Variants in CENPK observed in about 807,000 individuals in gnomAD.
The protein encoded by CENPK is centromere protein K.
Under a neutral mutation model 40.9 loss-of-function variants are expected in CENPK, and 46 were observed. The observed-to-expected ratio is 1.13, with a 90% CI of 0.89 to 1.44. The LOEUF (loss-of-function observed/expected upper bound fraction) is 1.44. CENPK is among the 40% of genes most tolerant of loss of function. The pLI, the probability that CENPK is intolerant of heterozygous loss-of-function variation, is 0.00. For synonymous variants in CENPK, 107 were observed against 104.4 expected, an observed-to-expected ratio of 1.02 and a Z score of -0.15; for missense variants, 288 against 303.5, an observed-to-expected ratio of 0.95 and a Z score of 0.38.
At chr5:65,555,408 G>C (rs1055296346) in intron 2 of CENPK, 3 of 153,402 alleles carry the variant, frequency 2.0e-5, no homozygotes, top group Admixed American at 1.3e-4. Context: ...GATTACAGCA[G>C]ATTAAGTAAG....
At chr5:65,517,694 G>C (rs1561606238), downstream of CENPK, 2 of 152,072 alleles carry the variant, frequency 1.3e-5, no homozygotes, top group Admixed American at 6.5e-5. Context: ...TACTAAATGA[G>C]TCCTATATCT....
Position 65,542,861 on chromosome 5 carries a change from A to G in CENPK, c.242-13T>C, listed in dbSNP as rs1748221062. ...GTCAAGGGAATTGCTACAAAAACAA[A>G]ACAAAACAAAGTTACACATATATTT... On this transcript the variant is annotated splice_polypyrimidine_tract_variant and intron_variant, in intron 5 of 10. Coordinates refer to ENST00000396679, the MANE Select transcript of CENPK (RefSeq NM_022145.5). The G allele has an allele frequency of 6.2e-7, 1 of 1,603,254 alleles. No individual in the cohort carries two copies. The highest frequency in any genetic ancestry group is 1.3e-5 in the African/African-American group (1 of 74,326).
chr5:65,504,163 A>T, the CENPK span, among the ~76,000 whole-genome samples: 28,728 of 148,204 alleles, frequency 0.19, 3,370 homozygotes, highest in South Asian at 0.32. Flanking sequence ...ATATTTTTTT[A>T]AAAAAAACCT....
At chr5:65,499,902 A>C in the CENPK span, among the ~76,000 whole-genome samples, 3 of 102,302 alleles carry the variant, frequency 2.9e-5, no homozygotes, top group Non-Finnish European at 6.2e-5. Context: ...CCCACCTATG[A>C]GTGAGAATAT....
intron 10 of CENPK, among the ~76,000 whole-genome samples, chr5:65,519,299 G>C (rs1009175169): frequency 6.6e-6 from 1 of 152,202 alleles, no homozygotes; most frequent in African/African-American, 2.4e-5. Context: ...AGCTAATGTG[G>C]ATTGAGAATC....
At chr5:65,526,769 G>A (rs1036738524) in intron 9 of CENPK, among the ~76,000 whole-genome samples, 6 of 152,088 alleles carry the variant, frequency 3.9e-5, no homozygotes, top group African/African-American at 9.7e-5. Context: ...GTCTAACCTG[G>A]GCAACATAGC....
chr5:65,542,928 T>C, intron 5 of CENPK, 80 bp from the exon 6 acceptor site: 5 of 1,240,736 alleles, frequency 4.0e-6, no homozygotes, highest in Non-Finnish European at 5.7e-6. Flanking sequence ...TGCGGTTTTC[T>C]AAGATACTTC....
In CENPK at chr5:65,527,498, CATATATAT is replaced by C. The variant is rs70983674; in HGVS notation, c.597+946_597+953del. Among the ~76,000 whole-genome samples, 437 of 91,124 alleles carry C rather than the reference CATATATAT, an allele frequency of 4.8e-3. 1 individual carries two copies. Among genetic ancestry groups the C allele is most frequent in the Middle Eastern group, 0.022 (3 of 136 alleles). 59.8% of individuals were successfully genotyped at this position (91,124 alleles called of 152,430 possible). On this transcript the variant is annotated intron_variant, in intron 9 of 10. Coordinates refer to ENST00000396679, the MANE Select transcript of CENPK (RefSeq NM_022145.5). ...GCAATTTCAAAAGTCTTATTAACAC[CATATATAT>C]ATATATATATATATATATATATATA...
At chr5:65,509,380 A>G in the CENPK span, among the ~76,000 whole-genome samples, 1 of 152,204 alleles carries the variant, frequency 6.6e-6, no homozygotes, top group Non-Finnish European at 1.5e-5. Context: ...TCATATAGTT[A>G]GAATCATATA....
downstream of CENPK, among the ~76,000 whole-genome samples, chr5:65,515,204 A>AAATTTTTTTTTTT (rs35708852): frequency 3.2e-5 from 4 of 124,056 alleles, no homozygotes; most frequent in African/African-American, 1.2e-4. Flanking sequence ...TCTCAAAAAA[A>AAATTTTTTTTTTT]TTTTTTTTTT....
intron 4 of CENPK, among the ~76,000 whole-genome samples, chr5:65,552,050 A>G (rs1237103486): frequency 6.8e-6 from 1 of 147,880 alleles, no homozygotes; most frequent in East Asian, 2.0e-4. Flanking sequence ...GCCTCCATCT[A>G]CTGGGTTCAA....
chr5:65,556,361 G>A (rs1750978833), intron 2 of CENPK, among the ~76,000 whole-genome samples: 1 of 152,092 alleles, frequency 6.6e-6, no homozygotes, highest in South Asian at 2.1e-4. Flanking sequence ...TGTAGCCCAA[G>A]CTGCTCAGGA....
At chr5:65,553,820 C>A (rs1009448924) in intron 3 of CENPK, among the ~76,000 whole-genome samples, 1 of 152,202 alleles carries the variant, frequency 6.6e-6, no homozygotes, top group Non-Finnish European at 1.5e-5. Context: ...TATCTGTAGT[C>A]TTACTCTTCT....
the CENPK span, among the ~76,000 whole-genome samples, chr5:65,502,314 A>T: frequency 6.6e-6 from 1 of 152,168 alleles, no homozygotes; most frequent in Non-Finnish European, 1.5e-5. Flanking sequence ...GGTACGTATA[A>T]GGCAAAAAGA....
chr5:65,551,562 A>T lies in CENPK; in HGVS notation c.241+2T>A. 1 of 1,492,622 alleles carries T rather than the reference A, an allele frequency of 6.7e-7. No homozygotes were observed. Among genetic ancestry groups the T allele is most frequent in the Non-Finnish European group, 9.1e-7 (1 of 1,093,868 alleles). The allele number at this position is 1,492,622 out of a possible 1,614,324, so 92.5% of individuals were successfully genotyped here. On this transcript the variant is annotated splice_donor_variant, in intron 5 of 10. Transcript: ENST00000396679. LOFTEE classifies it high-confidence loss of function. Reference sequence around the variant, plus strand: ...AATTCAAATTTAAAATAAGAATCTTACTTTCAGGTGTTTTTTTCTGCCATT... The same window carrying T: ...AATTCAAATTTAAAATAAGAATCTTTCTTTCAGGTGTTTTTTTCTGCCATT...
chr5:65,529,255 G>A, intron 6 of CENPK, 56 bp from the exon 7 acceptor site: 1 of 1,171,446 alleles, frequency 8.5e-7, no homozygotes, highest in Non-Finnish European at 1.2e-6. Flanking sequence ...TTTTATTTCT[G>A]AACGATAGTC....
Position 65,546,243 on chromosome 5 carries a change from T to G in CENPK, c.242-3395A>C, listed in dbSNP as rs552145322. On this transcript the variant is annotated intron_variant, in intron 5 of 10. Coordinates refer to ENST00000396679, the MANE Select transcript of CENPK (RefSeq NM_022145.5). ...ATTCTCCCCTGCCCCCCCGCTCAGG[T>G]GATCCACCAGCCCTGGCCTCCCAAA... Among the ~76,000 whole-genome samples the G allele has an allele frequency of 3.9e-5, 6 of 152,270 alleles. No individual in the cohort carries two copies. In the South Asian group the frequency reaches 1.2e-3, roughly 32 times the overall value.
chr5:65,521,410 G>A, intron 10 of CENPK, 65 bp downstream of exon 10: 1 of 1,212,950 alleles, frequency 8.2e-7, no homozygotes, highest in Non-Finnish European at 1.2e-6. Flanking sequence ...TTTCAAGTCT[G>A]AGTATAATTG....
rs4700084 is a variant in CENPK, at chr5:65,539,046, T to G, written c.288+3756A>C. 6.9e-3 allele frequency among the ~76,000 whole-genome samples: 1,054 copies of G among 152,330 alleles called. 44 individuals are homozygous for G. The highest frequency in any genetic ancestry group is 0.065 in the Admixed American group (993 of 15,306). On this transcript the variant is annotated intron_variant, in intron 6 of 10. Coordinates refer to ENST00000396679, the MANE Select transcript of CENPK (RefSeq NM_022145.5). ...TTACCTCTTTCCATGCTCTACAACT[T>G]GTAAAAGTTTCTGTTTGCTTCCATC...
Sources: gnomAD v4.1 joint callset for allele counts (sites outside exome capture counted in the v4.1 genomes callset) on GRCh38, gnomAD v4.1.1 for gene constraint, MANE v1.5 for transcripts, NCBI Gene and HGNC (gene_info 2026-07-23, HGNC 2026-07-21) for gene names.